Variants in OLFM3 observed in about 807,000 individuals in gnomAD.
OLFM3 encodes olfactomedin 3.
A neutral mutation model predicts 48.6 loss-of-function variants in OLFM3; 20 were observed. The observed-to-expected ratio is 0.41, with a 90% CI of 0.29 to 0.60. The LOEUF (loss-of-function observed/expected upper bound fraction) is 0.60, where lower values mean the gene tolerates loss of function less well. Among genes scored for constraint, OLFM3 ranks in the 20% least tolerant of loss-of-function variants. OLFM3 has a pLI of 0.28. For synonymous variants in OLFM3, 222 were observed against 198.1 expected, an observed-to-expected ratio of 1.12 and a Z score of -1.01; for missense variants, 437 against 544.3, an observed-to-expected ratio of 0.80 and a Z score of 1.96.
chr1:101,977,713 T>G (rs1009279312), intron 1 of OLFM3, among the ~76,000 whole-genome samples: 2 of 152,168 alleles, frequency 1.3e-5, no homozygotes, highest in African/African-American at 2.4e-5. Context: ...GTTGCTATTT[T>G]TTTTTAATAA....
At chr1:101,811,303 G>T (rs1162314395) in intron 4 of OLFM3, among the ~76,000 whole-genome samples, 3 of 151,932 alleles carry the variant, frequency 2.0e-5, no homozygotes, top group Admixed American at 2.0e-4. Context: ...TATGGAGTTT[G>T]ACTTAACATT....
At position 101,987,573 on chromosome 1, in the gene OLFM3, G is replaced by A. The variant is rs759074526; in HGVS notation, c.69+9175C>T. On this transcript the variant is annotated intron_variant, in intron 1 of 5. Coordinates refer to ENST00000370103, the MANE Select transcript of OLFM3 (RefSeq NM_058170.4). ...CAGATAAATAATTCCCGATGCAGCCGTAAATGTAGATCACTCCCAGAAGAG... is the reference window on the plus strand; with the variant it reads ...CAGATAAATAATTCCCGATGCAGCCATAAATGTAGATCACTCCCAGAAGAG... Among the ~76,000 whole-genome samples the A allele has an allele frequency of 4.5e-4, 69 of 152,162 alleles. 1 individual carries two copies. The highest frequency in any genetic ancestry group is 7.2e-4 in the Non-Finnish European group (49 of 67,950).
intron 4 of OLFM3, among the ~76,000 whole-genome samples, chr1:101,809,925 T>C (rs1653967202): frequency 6.6e-6 from 1 of 151,954 alleles, no homozygotes; most frequent in Non-Finnish European, 1.5e-5. Flanking sequence ...GTCTAACTTG[T>C]AGAATCAGCC....
intron 1 of OLFM3, among the ~76,000 whole-genome samples, chr1:101,864,182 T>C (rs1656769372): frequency 6.6e-6 from 1 of 152,320 alleles, no homozygotes; most frequent in Non-Finnish European, 1.5e-5. Flanking sequence ...TGTGAATTTG[T>C]TCTGGTTCAT....
chr1:101,910,514 G>A (rs1286571115), intron 1 of OLFM3, among the ~76,000 whole-genome samples: 2 of 118,626 alleles, frequency 1.7e-5, no homozygotes, highest in African/African-American at 3.1e-5. Context: ...ATTCTAAATA[G>A]ACTAAAGAGT....
At chr1:101,980,333 C>A (rs186350790) in intron 1 of OLFM3, among the ~76,000 whole-genome samples, 1 of 152,178 alleles carries the variant, frequency 6.6e-6, no homozygotes, top group Admixed American at 6.5e-5. Flanking sequence ...TCTGTCTGCA[C>A]TAAAATCTCA....
chr1:101,949,744 C>T (rs1482284294), intron 1 of OLFM3, among the ~76,000 whole-genome samples: 1 of 151,972 alleles, frequency 6.6e-6, no homozygotes, highest in Non-Finnish European at 1.5e-5. Context: ...TCCTGGCTAA[C>T]ACGGGGAAAC....
At chr1:101,887,217 C>G (rs1657798200) in intron 1 of OLFM3, among the ~76,000 whole-genome samples, 1 of 151,074 alleles carries the variant, frequency 6.6e-6, no homozygotes, top group African/African-American at 2.4e-5. Flanking sequence ...AAAGAGTTGA[C>G]TCCATGAATG....
intron 1 of OLFM3, among the ~76,000 whole-genome samples, chr1:101,902,347 C>T (rs1419093861): frequency 6.6e-6 from 1 of 151,928 alleles, no homozygotes; most frequent in Non-Finnish European, 1.5e-5. Context: ...GTGGTGACAT[C>T]AAGATATGAT....
chr1:101,804,174 AG>A lies in OLFM3; in HGVS notation c.*63del. 3.3e-6 allele frequency: 4 copies of A among 1,225,942 alleles called. No homozygotes were observed. The highest frequency in any genetic ancestry group is 4.4e-6 in the Non-Finnish European group (4 of 899,434). The allele number at this position is 1,225,942 out of a possible 1,614,324, so 75.9% of individuals were successfully genotyped here. A position where few individuals can be genotyped will look rare whatever the true frequency, so the allele number is the denominator to read the frequency against. On this transcript the variant is annotated 3_prime_UTR_variant, in exon 6 of 6. Coordinates refer to ENST00000370103, the MANE Select transcript of OLFM3 (RefSeq NM_058170.4). This position sits in a 1 kb window ranked among gnomAD's most constrained non-coding sequence, Gnocchi z 4.5. Reference sequence around the variant, plus strand: ...AAATAATAGTGAAGAAAAAAACGGAAGGGGTCTTATAGAGTTTATCACAAAT... The same window carrying A: ...AAATAATAGTGAAGAAAAAAACGGAAGGGTCTTATAGAGTTTATCACAAAT...
chr1:101,969,235 C>T (rs1264213200), intron 1 of OLFM3, among the ~76,000 whole-genome samples: 6 of 152,212 alleles, frequency 3.9e-5, no homozygotes, highest in African/African-American at 9.6e-5. Context: ...GCAGCCTTGA[C>T]GCCCTCCAGG....
intron 1 of OLFM3, among the ~76,000 whole-genome samples, chr1:101,989,422 T>A (rs1482866199): frequency 6.6e-6 from 1 of 152,142 alleles, no homozygotes; most frequent in East Asian, 1.9e-4. Context: ...TCTTATGCTA[T>A]TTCTGTATTT....
intron 1 of OLFM3, among the ~76,000 whole-genome samples, chr1:101,897,468 A>T (rs1009661577): frequency 6.6e-6 from 1 of 152,164 alleles, no homozygotes; most frequent in Non-Finnish European, 1.5e-5. Context: ...TTAGGTTGTG[A>T]ATGCCAAATT....
chr1:101,804,205 CTG>C lies in OLFM3; in HGVS notation c.*31_*32del, dbSNP rs759192570. On this transcript the variant is annotated 3_prime_UTR_variant, in exon 6 of 6. Transcript: ENST00000370103. The surrounding 1 kb of genome is among the most constrained non-coding windows in gnomAD (Gnocchi z 4.5). Reference sequence around the variant, plus strand: ...CTTATAGAGTTTATCACAAATCACACTGTTTAAATCAATGAAAACATGTCACA... The same window carrying C: ...CTTATAGAGTTTATCACAAATCACACTTTAAATCAATGAAAACATGTCACA... The C allele has an allele frequency of 6.8e-7, 1 of 1,474,442 alleles. No homozygotes were observed. The highest frequency in any genetic ancestry group is 9.1e-7 in the Non-Finnish European group (1 of 1,095,962). 91.3% of individuals were successfully genotyped at this position (1,474,442 alleles called of 1,614,324 possible).
At chr1:101,845,004 A>G (rs997178051) in intron 1 of OLFM3, among the ~76,000 whole-genome samples, 2 of 152,292 alleles carry the variant, frequency 1.3e-5, no homozygotes, top group South Asian at 2.1e-4. Flanking sequence ...TGTCATAGAC[A>G]TTGCTCTTCT....
chr1:101,824,017 C>A (rs1263333503), intron 4 of OLFM3, among the ~76,000 whole-genome samples: 1 of 150,028 alleles, frequency 6.7e-6, no homozygotes, highest in Non-Finnish European at 1.5e-5. Context: ...GTAAAATAGT[C>A]TTTACAATGT....
intron 1 of OLFM3, among the ~76,000 whole-genome samples, chr1:101,853,325 C>A (rs56883975): frequency 0.048 from 7,335 of 152,088 alleles, 497 homozygotes; most frequent in East Asian, 0.33. Flanking sequence ...CTTCTCACTT[C>A]TTTTTCTCCT....
intron 1 of OLFM3, among the ~76,000 whole-genome samples, chr1:101,937,283 T>A (rs753662720): frequency 1.3e-5 from 2 of 152,212 alleles, no homozygotes; most frequent in Non-Finnish European, 2.9e-5. Flanking sequence ...ATCCGTCTAT[T>A]CCAGCTGAAG....
chr1:101,833,328 A>G (rs949156786), intron 2 of OLFM3, among the ~76,000 whole-genome samples: 2 of 152,242 alleles, frequency 1.3e-5, no homozygotes, highest in Non-Finnish European at 2.9e-5. Context: ...GAGCTGTCTA[A>G]TTGGCCAGGA....
Sources: gnomAD v4.1 joint callset for allele counts (sites outside exome capture counted in the v4.1 genomes callset) on GRCh38, gnomAD v4.1.1 for gene constraint, Gnocchi (gnomAD v3.1) non-coding constraint, MANE v1.5 for transcripts, NCBI Gene and HGNC (gene_info 2026-07-23, HGNC 2026-07-21) for gene names.